FNIP1: variants seen among roughly 807,000 people sequenced by gnomAD.
The protein encoded by FNIP1 is folliculin-interacting protein 1.
Under a neutral mutation model 124.5 loss-of-function variants are expected in FNIP1, and 40 were observed. That is an observed-to-expected ratio of 0.32 (90% CI 0.25 to 0.42). The LOEUF is 0.42. Among genes scored for constraint, FNIP1 ranks in the 10% least tolerant of loss-of-function variants. FNIP1 has a pLI of 1.00. For missense variants in FNIP1, 1,176 were observed against 1,403.7 expected (o/e 0.84, Z 2.59); for synonymous variants, 472 against 470.6 (o/e 1.00, Z -0.04).
intron 9 of FNIP1, among the ~76,000 whole-genome samples, chr5:131,704,796 G>A (rs542263869): frequency 2.0e-3 from 300 of 152,198 alleles, no homozygotes; most frequent in African/African-American, 6.6e-3. Context: ...AAAACATGTA[G>A]TATATAAATC....
intron 2 of FNIP1, among the ~76,000 whole-genome samples, chr5:131,743,798 TCA>T (rs1770587617): frequency 6.6e-6 from 1 of 152,038 alleles, no homozygotes; most frequent in South Asian, 2.1e-4. Context: ...CACAAAAAAC[TCA>T]AATATGCTGG....
chr5:131,690,241 AATAAG>A lies in FNIP1; in HGVS notation c.1202+8671_1202+8675del, dbSNP rs1042729731. Among the ~76,000 whole-genome samples the A allele has an allele frequency of 1.7e-4, 26 of 152,184 alleles. No individual in the cohort carries two copies. In the South Asian group the frequency reaches 5.4e-3, roughly 32 times the overall value. On this transcript the variant is annotated intron_variant, in intron 11 of 17. Transcript: ENST00000510461. The stretch of plus-strand genomic sequence containing the variant: ...CCATCTCAAAAATAAAATAAAATAA[AATAAG>A]ATAAAATAAAATAAAAGTTAAGGTA...
Position 131,704,142 on chromosome 5 carries a change from T to C in FNIP1, c.1039A>G (p.Lys347Glu), listed in dbSNP as rs200977987. 313 of 1,613,122 alleles carry C rather than the reference T, an allele frequency of 1.9e-4. No homozygotes were observed. Among genetic ancestry groups the C allele is most frequent in the Non-Finnish European group, 2.2e-4 (260 of 1,179,200 alleles). ...TGTGAAAAAAAGAATTCATTAAATTTGTTATTTTCATCTTCATCTTTGGAC... is the reference window on the plus strand; with the variant it reads ...TGTGAAAAAAAGAATTCATTAAATTCGTTATTTTCATCTTCATCTTTGGAC... ...SLSKDEDENN[K>E]FNEFFFSHFP... is the part of the protein sequence containing the mutation. Residue 347 changes from lysine (K) to glutamate (E), a missense_variant, in exon 10 of 18, where the codon AAA becomes GAA. By Grantham distance (56) the Lys-to-Glu change is moderately conservative (BLOSUM62 1). Coordinates refer to ENST00000510461, the MANE Select transcript of FNIP1 (RefSeq NM_133372.3).
At chr5:131,694,711 C>T (rs1768631595) in intron 11 of FNIP1, among the ~76,000 whole-genome samples, 1 of 152,090 alleles carries the variant, frequency 6.6e-6, no homozygotes. Context: ...TATAACTATA[C>T]AACAGAGTGA....
intron 11 of FNIP1, among the ~76,000 whole-genome samples, chr5:131,686,862 G>A (rs1188883119): frequency 6.6e-6 from 1 of 151,838 alleles, no homozygotes; most frequent in African/African-American, 2.4e-5. Context: ...ACCAAGCTTG[G>A]CCCCTGAATA....
At chr5:131,650,565 C>G (rs1386779977) in intron 16 of FNIP1, among the ~76,000 whole-genome samples, 2 of 152,290 alleles carry the variant, frequency 1.3e-5, no homozygotes, top group Admixed American at 1.3e-4. Context: ...CATCTGCAAA[C>G]AGAGATAATT....
chr5:131,763,128 A>C (rs190242961), intron 1 of FNIP1, among the ~76,000 whole-genome samples: 1 of 152,328 alleles, frequency 6.6e-6, no homozygotes, highest in African/African-American at 2.4e-5. Context: ...TACAGTCAAC[A>C]AGAATTTATT....
At chr5:131,703,741 T>C (rs974394455) in intron 10 of FNIP1, among the ~76,000 whole-genome samples, 6 of 152,242 alleles carry the variant, frequency 3.9e-5, no homozygotes, top group Admixed American at 3.9e-4. Flanking sequence ...CAGGACTTAT[T>C]ACATACATCT....
chr5:131,693,349 T>TATATATATAC (rs1768576592), intron 11 of FNIP1, among the ~76,000 whole-genome samples: 9 of 126,048 alleles, frequency 7.1e-5, no homozygotes, highest in African/African-American at 2.9e-4. Context: ...TATATATATA[T>TATATATATAC]ATATATATAT....
chr5:131,762,863 A>G (rs1771277460), intron 1 of FNIP1, among the ~76,000 whole-genome samples: 1 of 152,218 alleles, frequency 6.6e-6, no homozygotes, highest in African/African-American at 2.4e-5. Context: ...AAAAAGAATG[A>G]TATCCTGTCA....
At chr5:131,695,307 A>G (rs1431695699) in intron 11 of FNIP1, among the ~76,000 whole-genome samples, 1 of 152,224 alleles carries the variant, frequency 6.6e-6, no homozygotes, top group Non-Finnish European at 1.5e-5. Context: ...ATCAAACTGG[A>G]AAAATAAAGC....
chr5:131,784,692 C>G (rs1772103931), intron 1 of FNIP1, among the ~76,000 whole-genome samples: 1 of 151,486 alleles, frequency 6.6e-6, no homozygotes, highest in South Asian at 2.1e-4. Context: ...CATGGTAGCT[C>G]TTGCCTGTGG....
Position 131,697,191 on chromosome 5 carries a change from A to T in FNIP1, c.1202+1726T>A, listed in dbSNP as rs74466121. The stretch of plus-strand genomic sequence containing the variant: ...AGTAAGAGACCACACAGTTGTCAAT[A>T]AAAAAAATGTAGTTTTTCTAAAAGT... On this transcript the variant is annotated intron_variant, in intron 11 of 17. Coordinates refer to ENST00000510461, the MANE Select transcript of FNIP1 (RefSeq NM_133372.3). Among the ~76,000 whole-genome samples the T allele has an allele frequency of 6.7e-4, 102 of 152,074 alleles. No individual in the cohort carries two copies. In the East Asian group the frequency reaches 0.019, roughly 28 times the overall value.
intron 1 of FNIP1, among the ~76,000 whole-genome samples, chr5:131,776,651 G>A (rs976086909): frequency 6.6e-6 from 1 of 152,174 alleles, no homozygotes; most frequent in African/African-American, 2.4e-5. Flanking sequence ...CACTGGGCTT[G>A]CTTCCACATC....
chr5:131,669,855 G>A (rs190018029), intron 15 of FNIP1, among the ~76,000 whole-genome samples: 51 of 150,108 alleles, frequency 3.4e-4, no homozygotes, highest in Non-Finnish European at 5.3e-4. Flanking sequence ...ATAAGGCAAC[G>A]ATGTCCATGG....
In FNIP1 at chr5:131,719,339, T is replaced by A. The variant is rs141215223; in HGVS notation, c.433A>T (p.Thr145Ser). ...GSVAMSYKGS[T>S]LKIHQIRSPP... ...CACCGAATCTGATGAATTTTTAAGG[T>A]GGATCCTTTGTAGCTCATTGCTACT... The change falls in exon 4 of 18, where the codon ACC (threonine) becomes TCC (serine). Residue 145 changes from threonine (T) to serine (S), a missense_variant. Thr to Ser is a moderately conservative substitution (Grantham distance 58). Transcript: ENST00000510461. 1 of 1,611,720 alleles carries A rather than the reference T, an allele frequency of 6.2e-7. No individual in the cohort carries two copies. The highest frequency in any genetic ancestry group is 8.5e-7 in the Non-Finnish European group (1 of 1,179,390).
At chr5:131,748,567 T>TG (rs1770761936) in intron 1 of FNIP1, among the ~76,000 whole-genome samples, 1 of 151,530 alleles carries the variant, frequency 6.6e-6, no homozygotes, top group South Asian at 2.1e-4. Flanking sequence ...CGTGGTGGCA[T>TG]GCACCTGTAG....
chr5:131,754,217 T>A (rs1389504076), intron 1 of FNIP1, among the ~76,000 whole-genome samples: 1 of 152,220 alleles, frequency 6.6e-6, no homozygotes, highest in East Asian at 1.9e-4. Flanking sequence ...CTTAAAAGCG[T>A]TCATTCAGCA....
At chr5:131,695,545 G>A (rs534607703) in intron 11 of FNIP1, among the ~76,000 whole-genome samples, 2 of 152,224 alleles carry the variant, frequency 1.3e-5, no homozygotes, top group South Asian at 2.1e-4. Context: ...GAAGATGCAC[G>A]AAAATCAGAC....
Sources: gnomAD v4.1 joint callset for allele counts (sites outside exome capture counted in the v4.1 genomes callset) on GRCh38, gnomAD v4.1.1 for gene constraint, MANE v1.5 for transcripts, NCBI Gene and HGNC (gene_info 2026-07-23, HGNC 2026-07-21) for gene names.